The following ZNF385D variants were observed in gnomAD, a reference collection of about 807,000 sequenced individuals.
ZNF385D encodes zinc finger protein 385D.
A neutral mutation model predicts 35.8 loss-of-function variants in ZNF385D; 15 were observed. That is an observed-to-expected ratio of 0.42 (90% confidence interval 0.28 to 0.64). The LOEUF (loss-of-function observed/expected upper bound fraction) is 0.64. ZNF385D is among the 30% of genes least tolerant of loss of function. The probability of loss-of-function intolerance (pLI) is 0.23; values close to 1 mark genes in which losing one functional copy is unlikely to be tolerated. For missense variants in ZNF385D, 474 were observed against 494.6 expected (o/e 0.96, Z 0.39); for synonymous variants, 212 against 186.8 (o/e 1.13, Z -1.10).
intron 4 of ZNF385D, among the ~76,000 whole-genome samples, chr3:21,507,549 T>A (rs1706872346): frequency 6.6e-6 from 1 of 152,196 alleles, no homozygotes; most frequent in African/African-American, 2.4e-5. Context: ...TAGAGTCTTA[T>A]CTACCTCTTC....
At chr3:21,903,953 T>C (rs1205560329) in intron 3 of ZNF385D, among the ~76,000 whole-genome samples, 1 of 152,092 alleles carries the variant, frequency 6.6e-6, no homozygotes, top group Non-Finnish European at 1.5e-5. Context: ...ATAGAGTGTA[T>C]CAGCATGTTT....
At chr3:22,031,323 G>A (rs1479471685) in intron 3 of ZNF385D, among the ~76,000 whole-genome samples, 2 of 152,120 alleles carry the variant, frequency 1.3e-5, no homozygotes, top group Non-Finnish European at 2.9e-5. Flanking sequence ...CTTCATGAGG[G>A]GCTCTGCCCC....
chr3:22,320,426 C>G (rs929297487), intron 2 of ZNF385D, among the ~76,000 whole-genome samples: 27 of 151,632 alleles, frequency 1.8e-4, no homozygotes, highest in Non-Finnish European at 4.0e-4. Context: ...TGTTTTTGAT[C>G]ATGTTCTAAT....
chr3:22,050,255 A>T (rs1191530588), intron 3 of ZNF385D, among the ~76,000 whole-genome samples: 1 of 151,722 alleles, frequency 6.6e-6, no homozygotes, highest in Non-Finnish European at 1.5e-5. Context: ...CCAGCTACTC[A>T]GGAGGCTGGG....
At chr3:22,012,747 C>A (rs1696655805) in intron 3 of ZNF385D, among the ~76,000 whole-genome samples, 1 of 151,388 alleles carries the variant, frequency 6.6e-6, no homozygotes, top group African/African-American at 2.4e-5. Context: ...TGTGTTACAG[C>A]ATAGGATTAA....
intron 2 of ZNF385D, among the ~76,000 whole-genome samples, chr3:22,177,374 T>C (rs968581370): frequency 6.6e-6 from 1 of 152,206 alleles, no homozygotes; most frequent in Non-Finnish European, 1.5e-5. Flanking sequence ...ATGATTGTTC[T>C]TATGTATATC....
At chr3:21,627,249 GT>G (rs1559471103) in intron 2 of ZNF385D, among the ~76,000 whole-genome samples, 24 of 51,888 alleles carry the variant, frequency 4.6e-4, no homozygotes, top group South Asian at 1.5e-3. Flanking sequence ...GGTGTAGGGT[GT>G]GTGTGTGTGT....
At chr3:21,856,424 C>T (rs535032138) in intron 3 of ZNF385D, among the ~76,000 whole-genome samples, 1 of 152,080 alleles carries the variant, frequency 6.6e-6, no homozygotes, top group Non-Finnish European at 1.5e-5. Context: ...TCAGACTCAA[C>T]TGCCTCTAGG....
chr3:22,155,547 T>A (rs1457513125), intron 3 of ZNF385D, among the ~76,000 whole-genome samples: 1 of 152,044 alleles, frequency 6.6e-6, no homozygotes, highest in Admixed American at 6.6e-5. Context: ...GTAAATAAAA[T>A]GAGACTGACA....
intron 3 of ZNF385D, among the ~76,000 whole-genome samples, chr3:22,019,257 G>A (rs1697082931): frequency 6.6e-6 from 1 of 151,460 alleles, no homozygotes; most frequent in African/African-American, 2.4e-5. Context: ...TCTAGAATGT[G>A]AGAATTTCTT....
chr3:22,213,234 C>T (rs1482285169), intron 2 of ZNF385D, among the ~76,000 whole-genome samples: 1 of 152,040 alleles, frequency 6.6e-6, no homozygotes, highest in African/African-American at 2.4e-5. Context: ...TCTCAAAGGA[C>T]AGATAGGCTT....
At chr3:21,436,794 G>A (rs968382920) in intron 5 of ZNF385D, 176 bp downstream of exon 5, 17 of 639,250 alleles carry the variant, frequency 2.7e-5, no homozygotes, top group Non-Finnish European at 4.2e-5. Context: ...ACCACCCCTT[G>A]CCCCTATATA....
At position 22,107,450 on chromosome 3, in the gene ZNF385D, T is replaced by C. The variant is rs1376184323; in HGVS notation, c.325+61367A>G. Among the ~76,000 whole-genome samples the C allele has an allele frequency of 3.3e-5, 5 of 152,174 alleles. No individual in the cohort carries two copies. The East Asian group carries it at 9.7e-4, about 29-fold the overall frequency. ...TGGGGAAAAAAGCAAAGTTTATACA[T>C]GGAAATATATTTTAAAAACTACTAA... On this transcript the variant is annotated intron_variant, in intron 3 of 5. Coordinates refer to the ZNF385D transcript ENST00000494108.
chr3:21,566,265 A>G (rs762608640), intron 2 of ZNF385D, among the ~76,000 whole-genome samples: 1 of 152,116 alleles, frequency 6.6e-6, no homozygotes, highest in Non-Finnish European at 1.5e-5. Flanking sequence ...ACAAACATTA[A>G]TCCTTGCCCA....
At chr3:22,003,326 A>G (rs916956522) in intron 3 of ZNF385D, among the ~76,000 whole-genome samples, 1 of 152,194 alleles carries the variant, frequency 6.6e-6, no homozygotes, top group African/African-American at 2.4e-5. Context: ...TTCATTTACA[A>G]TAGCTGCAAA....
intron 2 of ZNF385D, among the ~76,000 whole-genome samples, chr3:21,647,628 T>C (rs1202808134): frequency 6.6e-6 from 1 of 152,204 alleles, no homozygotes; most frequent in African/African-American, 2.4e-5. Flanking sequence ...ACTTTCACTG[T>C]AAGTCTGTTT....
intron 3 of ZNF385D, among the ~76,000 whole-genome samples, chr3:22,136,364 G>T (rs933236054): frequency 3.3e-5 from 5 of 149,992 alleles, no homozygotes; most frequent in African/African-American, 1.2e-4. Flanking sequence ...TTTCCGCCTG[G>T]GCGACAAAGT....
intron 2 of ZNF385D, among the ~76,000 whole-genome samples, chr3:22,341,243 C>T (rs1484994473): frequency 6.6e-6 from 1 of 152,184 alleles, no homozygotes; most frequent in Non-Finnish European, 1.5e-5. Context: ...CTTTTATCTG[C>T]ATCAGAAGGA....
At chr3:22,174,870 G>T (rs1423823124) in intron 2 of ZNF385D, among the ~76,000 whole-genome samples, 3 of 151,962 alleles carry the variant, frequency 2.0e-5, no homozygotes, top group Non-Finnish European at 4.4e-5. Flanking sequence ...ACAGGTGACA[G>T]ATTTTGGCCA....
Sources: allele counts gnomAD v4.1 joint callset (sites outside exome capture counted in the v4.1 genomes callset), GRCh38; gene constraint gnomAD v4.1.1; transcripts MANE v1.5; gene names NCBI Gene and HGNC (gene_info 2026-07-23, HGNC 2026-07-21).